The following SCOC variants were observed in gnomAD, a reference collection of about 807,000 sequenced individuals.
SCOC encodes short coiled-coil protein, also known as short coiled coil protein.
In SCOC, 7 loss-of-function variants were observed where a neutral mutation model predicts 9.9. The observed-to-expected ratio is 0.71, with a 90% CI of 0.40 to 1.33. The LOEUF (loss-of-function observed/expected upper bound fraction) is 1.33. Ranked by LOEUF, SCOC falls within the 40% of genes most tolerant of loss-of-function variation. The pLI is 0.01. For synonymous variants in SCOC, 19 were observed against 28.2 expected (o/e 0.67, Z 1.03); for missense variants, 66 against 89.7 (o/e 0.74, Z 1.07).
At chr4:140,292,135 T>G (rs921399249) in intron 1 of SCOC, among the ~76,000 whole-genome samples, 16 of 152,024 alleles carry the variant, frequency 1.1e-4, no homozygotes, top group Admixed American at 9.2e-4. Flanking sequence ...CCATCTTATG[T>G]TCAACCACCT....
intron 2 of SCOC, among the ~76,000 whole-genome samples, chr4:140,362,303 T>TCTTCTTCTTCTTCTTCTTCTTCTTC (rs1253683051): frequency 0.023 from 1,030 of 44,216 alleles, 82 homozygotes; most frequent in East Asian, 0.038. Flanking sequence ...CTTCTTCTTT[T>TCTTCTTCTTCTTCTTCTTCTTCTTC]TTTTTTTTTT....
chr4:140,331,694 C>A (rs991010503), intron 1 of SCOC, among the ~76,000 whole-genome samples: 1 of 152,168 alleles, frequency 6.6e-6, no homozygotes, highest in Non-Finnish European at 1.5e-5. Flanking sequence ...TGGACAGCTA[C>A]AAGGCATCTG....
At chr4:140,364,110 C>G (rs761716052) in intron 2 of SCOC, among the ~76,000 whole-genome samples, 1 of 151,924 alleles carries the variant, frequency 6.6e-6, no homozygotes, top group Admixed American at 6.6e-5. Context: ...GAAAAACTTA[C>G]ACTTTTTGCA....
At chr4:140,317,651 T>C (rs1461028924) in intron 1 of SCOC, among the ~76,000 whole-genome samples, 3 of 150,046 alleles carry the variant, frequency 2.0e-5, no homozygotes, top group Non-Finnish European at 4.4e-5. Flanking sequence ...TTTCTACTGT[T>C]TGCATTTTTA....
intron 1 of SCOC, among the ~76,000 whole-genome samples, chr4:140,292,241 T>G (rs1350443866): frequency 2.0e-5 from 3 of 149,422 alleles, no homozygotes; most frequent in Non-Finnish European, 4.4e-5. Context: ...CAGGCTGGAG[T>G]GCAGTAGCAT....
intron 1 of SCOC, among the ~76,000 whole-genome samples, chr4:140,294,169 G>A (rs982261211): frequency 1.3e-5 from 2 of 152,134 alleles, no homozygotes; most frequent in African/African-American, 4.8e-5. Flanking sequence ...GACATCCCAG[G>A]TATGTCAGCC....
rs1553940379 is a variant in SCOC at position 140,355,211 on chromosome 4, T to TTATATATATATATATGA, written c.70+11518_70+11519insGATATATATATATATAT. Reference sequence around the variant, plus strand: ...ACTTCTCAGCCTATACATTATATTTTTATATATATATATATATATATATAT... The same window carrying TTATATATATATATATGA: ...ACTTCTCAGCCTATACATTATATTTTTATATATATATATATGATATATATATATATATATATATATAT... On this transcript the variant is annotated intron_variant, in intron 2 of 4. Transcript: ENST00000338517. Among the ~76,000 whole-genome samples the TTATATATATATATATGA allele has an allele frequency of 2.1e-3, 128 of 61,372 alleles. 2 individuals are homozygous for TTATATATATATATATGA. Among genetic ancestry groups the TTATATATATATATATGA allele is most frequent in the African/African-American group, 5.7e-3 (120 of 20,998 alleles). 40.3% of individuals were successfully genotyped at this position (61,372 alleles called of 152,430 possible). A position where few individuals can be genotyped will look rare whatever the true frequency, so the allele number is the denominator to read the frequency against.
At chr4:140,284,861 A>AT (rs1731187353) in intron 1 of SCOC, 1 of 171,872 alleles carries the variant, frequency 5.8e-6, no homozygotes, top group South Asian at 1.4e-4. Flanking sequence ...TAATGGAAAT[A>AT]TTTTTAAATT....
At chr4:140,363,210 G>A (rs1727648688) in intron 2 of SCOC, among the ~76,000 whole-genome samples, 1 of 152,200 alleles carries the variant, frequency 6.6e-6, no homozygotes, top group Non-Finnish European at 1.5e-5. Flanking sequence ...TGAGCTGGGA[G>A]TAAGAGAGTC....
At position 140,382,947 on chromosome 4, in the gene SCOC, C is replaced by T. The variant is rs1728617245; in HGVS notation, c.*1843C>T. The T allele has an allele frequency of 6.6e-6, 1 of 152,378 alleles. No individual in the cohort carries two copies. The highest frequency in any genetic ancestry group is 1.9e-4 in the East Asian group (1 of 5,188). The allele number at this position is 152,378 out of a possible 1,614,324, so 9.4% of individuals were successfully genotyped here. ...CCTTGTTCAAACAGTTATTCAGGGA[C>T]TTTGGCTGAGGATGGTGCTGCCATT... On this transcript the variant is annotated 3_prime_UTR_variant, in exon 4 of 4. Coordinates refer to ENST00000608372, the MANE Select transcript of SCOC (RefSeq NM_001153484.2).
intron 1 of SCOC, among the ~76,000 whole-genome samples, chr4:140,315,544 T>A (rs1389601129): frequency 1.3e-5 from 2 of 152,194 alleles, no homozygotes; most frequent in Admixed American, 1.3e-4. Context: ...TCTCATCCAA[T>A]TTCTTGACAG....
At chr4:140,311,615 G>T (rs1474397676) in intron 1 of SCOC, among the ~76,000 whole-genome samples, 2 of 152,160 alleles carry the variant, frequency 1.3e-5, no homozygotes, top group African/African-American at 2.4e-5. Context: ...CTCCTGGTAA[G>T]CCTGGATGTG....
chr4:140,317,656 TTTTTA>T lies in SCOC; in HGVS notation c.-18-25951_-18-25947del, dbSNP rs1263818367. 8.5e-4 allele frequency among the ~76,000 whole-genome samples: 127 copies of T among 149,572 alleles called. 1 individual carries two copies. Among genetic ancestry groups the T allele is most frequent in the African/African-American group, 2.9e-3 (120 of 40,802 alleles). On this transcript the variant is annotated intron_variant, in intron 1 of 4. Coordinates refer to the SCOC transcript ENST00000394205. ...TTTTTTTTTTTTTCTACTGTTTGCA[TTTTTA>T]TTTTATTTTATTTATTTTATTTGTA...
intron 2 of SCOC, among the ~76,000 whole-genome samples, chr4:140,353,666 G>A (rs538454236): frequency 3.3e-5 from 5 of 152,290 alleles, no homozygotes; most frequent in Admixed American, 2.6e-4. Context: ...CCAAAGTGCT[G>A]CGATTACAGG....
chr4:140,369,857 ATTTTTTTTTTTT>A (rs540817613), upstream of SCOC, among the ~76,000 whole-genome samples: 73 of 31,420 alleles, frequency 2.3e-3, no homozygotes, highest in Non-Finnish European at 4.3e-3. Flanking sequence ...CAGAAGGGGG[ATTTTTTTTTTTT>A]TTTTTTTTTT....
rs531961017 is a variant in SCOC at position 140,281,471 on chromosome 4, T to C, written c.-19+24061T>C. On this transcript the variant is annotated intron_variant, in intron 1 of 4. Coordinates refer to the SCOC transcript ENST00000394205. Reference sequence around the variant, plus strand: ...CAAAGCCATCCCAAGGCTCCACATATGGGAAACATTTCCAGTCCTAATACT... The same window carrying C: ...CAAAGCCATCCCAAGGCTCCACATACGGGAAACATTTCCAGTCCTAATACT... Among the ~76,000 whole-genome samples the C allele has an allele frequency of 3.7e-4, 56 of 152,338 alleles. No individual in the cohort carries two copies. The South Asian group carries it at 0.012, about 32-fold the overall frequency.
intron 1 of SCOC, among the ~76,000 whole-genome samples, chr4:140,325,531 T>C (rs67983466): frequency 0.12 from 18,129 of 152,028 alleles, 1,379 homozygotes; most frequent in East Asian, 0.34. Flanking sequence ...GGGCAAAATA[T>C]CTGAACAGAT....
chr4:140,353,522 T>C (rs1232122530), intron 2 of SCOC, among the ~76,000 whole-genome samples: 1 of 151,954 alleles, frequency 6.6e-6, no homozygotes, highest in Middle Eastern at 3.2e-3. Flanking sequence ...GCGATTCTCC[T>C]GCCTCATCCT....
intron 1 of SCOC, among the ~76,000 whole-genome samples, chr4:140,286,843 A>G (rs906734963): frequency 3.3e-5 from 5 of 152,176 alleles, no homozygotes; most frequent in Non-Finnish European, 7.4e-5. Context: ...TACTCTCAAG[A>G]TCTTGCTGAG....
Sources: allele counts gnomAD v4.1 joint callset (sites outside exome capture counted in the v4.1 genomes callset), GRCh38; gene constraint gnomAD v4.1.1; transcripts MANE v1.5; gene names NCBI Gene and HGNC (gene_info 2026-07-23, HGNC 2026-07-21).